PRRG3: variants seen among roughly 807,000 people sequenced by gnomAD.
PRRG3 encodes the protein proline rich and Gla domain 3, also known as transmembrane gamma-carboxyglutamic acid protein 3.
PRRG3 carries 21 observed loss-of-function variants against 15.8 expected under a neutral mutation model. The ratio of observed to expected loss-of-function variants is 1.33; its 90% CI spans 0.94 to 1.92. PRRG3 has a LOEUF of 1.92. Among genes scored for constraint, PRRG3 ranks in the 40% most tolerant of loss-of-function variants. The pLI, the probability that PRRG3 is intolerant of heterozygous loss-of-function variation, is 0.00. For synonymous variants in PRRG3, 125 were observed against 84.1 expected (o/e 1.49, Z -2.66); for missense variants, 251 against 200.2 (o/e 1.25, Z -1.53).
At chrX:151,698,603 G>T (rs766711103) in intron 1 of PRRG3, 181 bp from the exon 2 acceptor site, 17 of 356,909 alleles carry the variant, frequency 4.8e-5, no homozygotes, top group Non-Finnish European at 7.8e-5. Context: ...AGAAGAGCTT[G>T]GGGCAGAATG....
intron 2 of PRRG3, 46 bp downstream of exon 2, chrX:151,698,867 G>T: frequency 8.7e-7 from 1 of 1,146,861 alleles, no homozygotes; most frequent in South Asian, 1.9e-5. Flanking sequence ...GCCATGCCTA[G>T]GGGTTCATGA....
intron 3 of PRRG3, 147 bp downstream of exon 3, chrX:151,700,303 T>G (rs745405288): frequency 6.9e-6 from 8 of 1,158,090 alleles, no homozygotes. Flanking sequence ...GCAGATAAAG[T>G]ACGTACAGTC....
In PRRG3 at chrX:151,700,583, G is replaced by A; in HGVS notation, c.246G>A (p.Val82=). 3 of 1,210,620 alleles carry A rather than the reference G, an allele frequency of 2.5e-6. No individual in the cohort carries two copies. Among genetic ancestry groups the A allele is most frequent in the Non-Finnish European group, 3.4e-6 (3 of 894,380 alleles). The change falls in exon 4 of 4, where the codon GTG becomes GTA. Residue 82 remains valine, a synonymous_variant. Transcript: ENST00000674457. The part of the protein sequence containing the change: ...DPSQSSDAMY[V]VVPLLGVALL... Reference sequence around the variant, plus strand: ...CGCAGAGCTCAGATGCCATGTATGTGGTGGTACCCCTTCTGGGGGTGGCAC... The same window carrying A: ...CGCAGAGCTCAGATGCCATGTATGTAGTGGTACCCCTTCTGGGGGTGGCAC...
upstream of PRRG3, chrX:151,695,318 T>C (rs1476347833): frequency 2.8e-5 from 3 of 108,285 alleles, no homozygotes; most frequent in African/African-American, 1.0e-4. Context: ...GGGGCGGGGG[T>C]TCCAGGCGCA....
chrX:151,700,625 C>G lies in PRRG3; in HGVS notation c.288C>G (p.Ala96=). ...GGGTGGCACTGCTGATTGTCATCGC[C>G]TTGTTCATCATCTGGAGGTGCCAGC... ...LLGVALLIVI[A]LFIIWRCQLQ... The change falls in exon 4 of 4, where the codon GCC becomes GCG. Residue 96 remains alanine, a synonymous_variant. Transcript: ENST00000674457. 8.3e-7 allele frequency: 1 copy of G among 1,211,816 alleles called. No individual in the cohort carries two copies. Among genetic ancestry groups the G allele is most frequent in the Non-Finnish European group, 1.1e-6 (1 of 895,478 alleles).
At chrX:151,695,905 T>C (rs58968875) in intron 1 of PRRG3, among the ~76,000 whole-genome samples, 5,309 of 111,021 alleles carry the variant, frequency 0.048, 128 homozygotes, top group Middle Eastern at 0.061. Flanking sequence ...AAATAAAGTC[T>C]AGGGTTTGGA....
chrX:151,702,578 T>A lies in PRRG3; in HGVS notation c.*1545T>A, dbSNP rs968647458. ...TTGAATTGCCGGGGAGCCAGCGAGGTTTGCCTTAGGAAGAGTCTTCTAGAA... is the reference window on the plus strand; with the variant it reads ...TTGAATTGCCGGGGAGCCAGCGAGGATTGCCTTAGGAAGAGTCTTCTAGAA... On this transcript the variant is annotated 3_prime_UTR_variant, in exon 4 of 4. Coordinates refer to ENST00000674457, the MANE Select transcript of PRRG3 (RefSeq NM_001372163.1). 1 of 112,010 alleles carries A rather than the reference T, an allele frequency of 8.9e-6. No homozygotes were observed. Among genetic ancestry groups the A allele is most frequent in the Non-Finnish European group, 1.9e-5 (1 of 53,185 alleles). The allele number at this position is 112,010 out of a possible 1,213,427, so 9.2% of individuals were successfully genotyped here.
rs1222292257 is a variant in PRRG3, at chrX:151,700,720, C to T, written c.383C>T (p.Thr128Ile). 8.3e-7 allele frequency: 1 copy of T among 1,210,200 alleles called. No individual in the cohort carries two copies. ...TACCTAGCCAGTCGCGCCGGGCACA[C>T]CCTCCCCCGGGTCATGGTGTACCGG... Reference protein sequence around the residue: ...NRYLASRAGHTLPRVMVYRGT... With the variant: ...NRYLASRAGHILPRVMVYRGT... Residue 128 changes from threonine to isoleucine, a missense_variant, in exon 4 of 4, where the codon ACC (threonine) becomes ATC (isoleucine). Coordinates refer to ENST00000674457, the MANE Select transcript of PRRG3 (RefSeq NM_001372163.1).
At position 151,705,172 on chromosome X, in the gene PRRG3, C is replaced by T. The variant is rs747927740; in HGVS notation, c.*4139C>T. 1.3e-5 allele frequency: 4 copies of T among 302,694 alleles called. No homozygotes were observed. The highest frequency in any genetic ancestry group is 9.5e-5 in the South Asian group (3 of 31,441). 24.9% of individuals were successfully genotyped at this position (302,694 alleles called of 1,213,427 possible). On this transcript the variant is annotated 3_prime_UTR_variant, in exon 4 of 4. Transcript: ENST00000674457. ...ATGTTGGATATTGCAGCCTTTCACT[C>T]TACTCCGTTATTTATCCTGTGAATA...
chrX:151,696,021 G>A (rs1056516477), intron 1 of PRRG3, among the ~76,000 whole-genome samples: 1 of 111,385 alleles, frequency 9.0e-6, no homozygotes, highest in East Asian at 2.8e-4. Flanking sequence ...AGATTCAGAA[G>A]CTTCAGTCTG....
At position 151,700,117 on chromosome X, in the gene PRRG3, CGAG is replaced by C. The variant is rs762947436; in HGVS notation, c.134_136del (p.Glu45del). On this transcript the variant is annotated inframe_deletion, in exon 3 of 4. Coordinates refer to ENST00000674457, the MANE Select transcript of PRRG3 (RefSeq NM_001372163.1). ...AGTGCATGGAGGAGATCTGCAGCTACGAGGAGGTCAAGGAAGTGTTTGAGAACA... is the reference window on the plus strand; with the variant it reads ...AGTGCATGGAGGAGATCTGCAGCTACGAGGTCAAGGAAGTGTTTGAGAACA... 1 of 1,211,618 alleles carries C rather than the reference CGAG, an allele frequency of 8.3e-7. No homozygotes were observed. Among genetic ancestry groups the C allele is most frequent in the Non-Finnish European group, 1.1e-6 (1 of 895,512 alleles).
rs756248851 is a variant in PRRG3, at chrX:151,700,678, C to G, written c.341C>G (p.Ser114Cys). 45 of 1,211,418 alleles carry G rather than the reference C, an allele frequency of 3.7e-5. No homozygotes were observed. Among genetic ancestry groups the G allele is most frequent in the Non-Finnish European group, 4.9e-5 (44 of 895,317 alleles). Reference protein sequence around the residue: ...QLQKATRHHPSYAQNRYLASR... With the variant: ...QLQKATRHHPCYAQNRYLASR... ...CAGAAAGCGACCCGTCACCACCCCT[C>G]CTATGCTCAGAACCGGTACCTAGCC... Residue 114 changes from serine (S) to cysteine (C), a missense_variant, in exon 4 of 4, where the codon TCC becomes TGC. Transcript: ENST00000674457.
At chrX:151,695,719 G>T (rs973396416) in intron 1 of PRRG3, among the ~76,000 whole-genome samples, 175 bp downstream of exon 1, 4 of 111,332 alleles carry the variant, frequency 3.6e-5, no homozygotes, top group African/African-American at 1.3e-4. Context: ...CAGGGCGCTG[G>T]TGTCCAGCGA....
rs908674494 is a variant in PRRG3, at chrX:151,703,248, G to C, written c.*2215G>C. 2 of 112,219 alleles carry C rather than the reference G, an allele frequency of 1.8e-5. No homozygotes were observed. Among genetic ancestry groups the C allele is most frequent in the African/African-American group, 6.5e-5 (2 of 30,812 alleles). 9.2% of individuals were successfully genotyped at this position (112,219 alleles called of 1,213,427 possible). On this transcript the variant is annotated 3_prime_UTR_variant, in exon 4 of 4. Transcript: ENST00000674457. ...CAGATGCTTCATGGTGTTCTGCCAG[G>C]TGGGGTTGCACCACGGTCTCTGGGA...
In PRRG3 at chrX:151,700,083, T is replaced by A; in HGVS notation, c.95T>A (p.Ile32Asn). The change falls in exon 3 of 4, where the codon ATC becomes AAC. Residue 32 changes from isoleucine to asparagine, a missense_variant. Coordinates refer to ENST00000674457, the MANE Select transcript of PRRG3 (RefSeq NM_001372163.1). ...CTGGAGGAGCTGCGCCAGGGCACCA[T>A]CGAGCGAGAGTGCATGGAGGAGATC... ...EFLEELRQGT[I>N]ERECMEEICS... The A allele has an allele frequency of 8.3e-7, 1 of 1,211,746 alleles. No homozygotes were observed. Among genetic ancestry groups the A allele is most frequent in the Non-Finnish European group, 1.1e-6 (1 of 895,510 alleles).
chrX:151,705,425 C>T lies in PRRG3; in HGVS notation c.*4392C>T. On this transcript the variant is annotated 3_prime_UTR_variant, in exon 4 of 4. Coordinates refer to ENST00000674457, the MANE Select transcript of PRRG3 (RefSeq NM_001372163.1). Reference sequence around the variant, plus strand: ...GCACACCCTCTCAAGCTCAATGCCTCAACAGTTGTTTCACTGTACTGATAT... The same window carrying T: ...GCACACCCTCTCAAGCTCAATGCCTTAACAGTTGTTTCACTGTACTGATAT... 1 of 342,102 alleles carries T rather than the reference C, an allele frequency of 2.9e-6. No individual in the cohort carries two copies. The highest frequency in any genetic ancestry group is 4.4e-4 in the Middle Eastern group (1 of 2,282). The allele number at this position is 342,102 out of a possible 1,213,427, so 28.2% of individuals were successfully genotyped here. A position where few individuals can be genotyped will look rare whatever the true frequency, so the allele number is the denominator to read the frequency against.
At chrX:151,699,399 T>G (rs1037949541) in intron 2 of PRRG3, among the ~76,000 whole-genome samples, 2 of 112,448 alleles carry the variant, frequency 1.8e-5, no homozygotes, top group Non-Finnish European at 3.8e-5. Flanking sequence ...AGAGGTGCTC[T>G]TAGGCTCGTG....
Position 151,700,765 on chromosome X carries a change from G to A in PRRG3, c.428G>A (p.Gly143Glu), listed in dbSNP as rs1201378716. The change falls in exon 4 of 4, where the codon GGG becomes GAG. Residue 143 changes from glycine to glutamate, a missense_variant. By Grantham distance (98) the Gly-to-Glu change is moderately conservative. Coordinates refer to ENST00000674457, the MANE Select transcript of PRRG3 (RefSeq NM_001372163.1). ...TACCGGGGTACTGTGCATAGCCAAG[G>A]GGAGCCTTCTGGGCACCGAGAGGCA... ...MVYRGTVHSQ[G>E]EPSGHREAAN... The A allele has an allele frequency of 8.3e-7, 1 of 1,199,497 alleles. No individual in the cohort carries two copies. The highest frequency in any genetic ancestry group is 3.0e-5 in the East Asian group (1 of 33,434).
rs2014887502 is a variant in PRRG3, at chrX:151,701,588, G to T, written c.*555G>T. 1 of 112,555 alleles carries T rather than the reference G, an allele frequency of 8.9e-6. No homozygotes were observed. Among genetic ancestry groups the T allele is most frequent in the South Asian group, 3.7e-4 (1 of 2,700 alleles). The allele number at this position is 112,555 out of a possible 1,213,427, so 9.3% of individuals were successfully genotyped here. On this transcript the variant is annotated 3_prime_UTR_variant, in exon 4 of 4. Coordinates refer to ENST00000674457, the MANE Select transcript of PRRG3 (RefSeq NM_001372163.1). Reference sequence around the variant, plus strand: ...TGACAAATAAATAATTAACACAATAGAACAAAACTCTAGCACCCGGGCCGT... The same window carrying T: ...TGACAAATAAATAATTAACACAATATAACAAAACTCTAGCACCCGGGCCGT...
Sources: gnomAD v4.1 joint callset for allele counts (sites outside exome capture counted in the v4.1 genomes callset) on GRCh38, gnomAD v4.1.1 for gene constraint, MANE v1.5 for transcripts, NCBI Gene and HGNC (gene_info 2026-07-23, HGNC 2026-07-21) for gene names.